Variants in CERS6 observed in about 807,000 individuals in gnomAD.
CERS6 encodes the protein ceramide synthase 6.
CERS6 carries 26 observed loss-of-function variants against 56.8 expected under a neutral mutation model. That is an observed-to-expected ratio of 0.46 (90% CI 0.34 to 0.63). The LOEUF is 0.63. CERS6 is among the 30% of genes least tolerant of loss of function. CERS6 has a pLI of 0.01. For synonymous variants in CERS6, 164 were observed against 173.3 expected, an observed-to-expected ratio of 0.95 and a Z score of 0.42; for missense variants, 415 against 467.5, an observed-to-expected ratio of 0.89 and a Z score of 1.04.
intron 3 of CERS6, among the ~76,000 whole-genome samples, chr2:168,599,139 T>C (rs1439520478): frequency 6.6e-6 from 1 of 152,186 alleles, no homozygotes; most frequent in East Asian, 1.9e-4. Context: ...AAATGTTGCT[T>C]TGAAAGGTTA....
At chr2:168,641,769 T>C (rs534038244) in intron 4 of CERS6, among the ~76,000 whole-genome samples, 2 of 152,154 alleles carry the variant, frequency 1.3e-5, no homozygotes, top group African/African-American at 4.8e-5. Context: ...GTCTGAGTGC[T>C]TTCATATCAA....
chr2:168,512,279 G>A (rs1184036100), intron 1 of CERS6, among the ~76,000 whole-genome samples: 1 of 152,060 alleles, frequency 6.6e-6, no homozygotes, highest in African/African-American at 2.4e-5. Flanking sequence ...TTGCTCAATA[G>A]TGTGAATAAT....
At chr2:168,614,709 G>A (rs1684273796) in intron 3 of CERS6, among the ~76,000 whole-genome samples, 1 of 152,110 alleles carries the variant, frequency 6.6e-6, no homozygotes, top group African/African-American at 2.4e-5. Flanking sequence ...CATAGCAGCT[G>A]CAGCAACTCC....
intron 8 of CERS6, among the ~76,000 whole-genome samples, chr2:168,756,900 A>C (rs1684429883): frequency 6.6e-6 from 1 of 152,224 alleles, no homozygotes; most frequent in African/African-American, 2.4e-5. Flanking sequence ...ACTGTGGAAA[A>C]AAAAGAAATA....
chr2:168,465,539 A>G (rs11888226), intron 1 of CERS6, among the ~76,000 whole-genome samples: 2,682 of 152,346 alleles, frequency 0.018, 75 homozygotes, highest in African/African-American at 0.061. Context: ...ATAGCAACAT[A>G]CAATAGAATA....
chr2:168,695,080 GC>G, intron 6 of CERS6, 29 bp downstream of exon 6: 1 of 1,562,822 alleles, frequency 6.4e-7, no homozygotes, highest in Non-Finnish European at 8.8e-7. Flanking sequence ...TAAAGTGCTT[GC>G]AAGCATGCAT....
intron 6 of CERS6, among the ~76,000 whole-genome samples, chr2:168,712,662 C>T (rs1248407620): frequency 6.6e-6 from 1 of 152,150 alleles, no homozygotes; most frequent in Non-Finnish European, 1.5e-5. Context: ...GAAGAAGCTA[C>T]TAATTTTTAC....
intron 2 of CERS6, among the ~76,000 whole-genome samples, chr2:168,558,407 A>C (rs1194401627): frequency 6.6e-6 from 1 of 152,220 alleles, no homozygotes; most frequent in Non-Finnish European, 1.5e-5. Context: ...AGCTCTACAA[A>C]AGAATAAGGG....
intron 3 of CERS6, among the ~76,000 whole-genome samples, chr2:168,612,322 A>G (rs1197692211): frequency 2.0e-5 from 3 of 152,284 alleles, no homozygotes; most frequent in South Asian, 2.1e-4. Flanking sequence ...AAAATTTCCA[A>G]CTGATTGTTG....
intron 3 of CERS6, among the ~76,000 whole-genome samples, chr2:168,597,056 A>G (rs1220525382): frequency 6.6e-6 from 1 of 152,170 alleles, no homozygotes. Flanking sequence ...TATTCTGACT[A>G]ATCTCTGACT....
chr2:168,763,146 G>A (rs1684626777), intron 8 of CERS6, among the ~76,000 whole-genome samples: 1 of 151,918 alleles, frequency 6.6e-6, no homozygotes, highest in African/African-American at 2.4e-5. Flanking sequence ...CAAAGTGCTG[G>A]GATTACAGGA....
chr2:168,617,649 C>G (rs1425379224), intron 3 of CERS6, among the ~76,000 whole-genome samples: 1 of 152,086 alleles, frequency 6.6e-6, no homozygotes, highest in African/African-American at 2.4e-5. Context: ...AGATAAATTC[C>G]TGGAAAGATA....
intron 1 of CERS6, among the ~76,000 whole-genome samples, chr2:168,503,027 G>C (rs188366539): frequency 6.6e-6 from 1 of 152,304 alleles, no homozygotes; most frequent in East Asian, 1.9e-4. Context: ...TTGAGGGAGT[G>C]ACCTGGCGGG....
At chr2:168,737,478 T>G (rs1211458097) in intron 8 of CERS6, among the ~76,000 whole-genome samples, 2 of 152,258 alleles carry the variant, frequency 1.3e-5, no homozygotes, top group East Asian at 3.9e-4. Flanking sequence ...GGAAATTCAT[T>G]AGGGGTGATG....
rs987895539 is a variant in CERS6, at chr2:168,769,802, C to T, written c.*140C>T. Reference sequence around the variant, plus strand: ...TTATCAAAGCATTTTGAATAGTGCACTGCCATGTGTCCTGTCTGTGAATGA... The same window carrying T: ...TTATCAAAGCATTTTGAATAGTGCATTGCCATGTGTCCTGTCTGTGAATGA... On this transcript the variant is annotated 3_prime_UTR_variant, in exon 10 of 10. Transcript: ENST00000305747. The T allele has an allele frequency of 5.2e-6, 4 of 767,268 alleles. No homozygotes were observed. Among genetic ancestry groups the T allele is most frequent in the South Asian group, 5.0e-5 (3 of 60,426 alleles). 47.5% of individuals were successfully genotyped at this position (767,268 alleles called of 1,614,324 possible). A position where few individuals can be genotyped will look rare whatever the true frequency, so the allele number is the denominator to read the frequency against.
chr2:168,668,033 G>A (rs2105335620), intron 4 of CERS6, among the ~76,000 whole-genome samples: 2 of 152,316 alleles, frequency 1.3e-5, no homozygotes, highest in Middle Eastern at 3.4e-3. Context: ...CAGATCGTAA[G>A]TTGTAAATCG....
chr2:168,586,384 T>A (rs1426800813), intron 3 of CERS6, among the ~76,000 whole-genome samples: 1 of 150,718 alleles, frequency 6.6e-6, no homozygotes, highest in Non-Finnish European at 1.5e-5. Flanking sequence ...TATGCCTCAT[T>A]TTTTTTTTGG....
chr2:168,520,915 C>T (rs1694966817), intron 1 of CERS6, among the ~76,000 whole-genome samples: 1 of 151,964 alleles, frequency 6.6e-6, no homozygotes, highest in Non-Finnish European at 1.5e-5. Flanking sequence ...AATTGGTATA[C>T]TTTGAATTAA....
chr2:168,750,023 T>C (rs964675968), intron 8 of CERS6, among the ~76,000 whole-genome samples: 3 of 152,346 alleles, frequency 2.0e-5, no homozygotes, highest in African/African-American at 7.2e-5. Context: ...CTTCAGGTCA[T>C]GGAGAGGGGC....
Sources: allele counts gnomAD v4.1 joint callset (sites outside exome capture counted in the v4.1 genomes callset), GRCh38; gene constraint gnomAD v4.1.1; transcripts MANE v1.5; gene names NCBI Gene and HGNC (gene_info 2026-07-23, HGNC 2026-07-21).